Variants in PDE8A observed in about 807,000 individuals in gnomAD.
PDE8A encodes the protein phosphodiesterase 8A.
In PDE8A, 59 loss-of-function variants were observed where a neutral mutation model predicts 105.0. The ratio of observed to expected loss-of-function variants is 0.56; its 90% CI spans 0.46 to 0.70. The LOEUF is 0.70. Ranked by LOEUF, PDE8A falls within the 30% of genes least tolerant of loss-of-function variation. The pLI, the probability that PDE8A is intolerant of heterozygous loss-of-function variation, is 0.00. For synonymous variants in PDE8A, 355 were observed against 371.9 expected (o/e 0.95, Z 0.52); for missense variants, 1,014 against 1,045.9 (o/e 0.97, Z 0.42).
chr15:85,045,955 G>C (rs1469256088), intron 1 of PDE8A, among the ~76,000 whole-genome samples: 1 of 151,804 alleles, frequency 6.6e-6, no homozygotes, highest in Non-Finnish European at 1.5e-5. Flanking sequence ...ATTGACCCCA[G>C]GATAACTTTC....
rs147952655 is a variant in PDE8A, at chr15:85,120,493, A to G, written c.1735-304A>G. Reference sequence around the variant, plus strand: ...TATTAGTTTATGCTGGTCTAAGTCAATATCTCAGACTAAGGACTTTTTTGG... The same window carrying G: ...TATTAGTTTATGCTGGTCTAAGTCAGTATCTCAGACTAAGGACTTTTTTGG... On this transcript the variant is annotated intron_variant, in intron 17 of 21. Coordinates refer to ENST00000394553, the MANE Select transcript of PDE8A (RefSeq NM_002605.3). 435 of 219,540 alleles carry G rather than the reference A, an allele frequency of 2.0e-3. 3 individuals are homozygous for G. The highest frequency in any genetic ancestry group is 9.1e-3 in the African/African-American group (402 of 44,164). 13.6% of individuals were successfully genotyped at this position (219,540 alleles called of 1,614,324 possible).
chr15:85,105,684 G>C (rs143159737), intron 11 of PDE8A, among the ~76,000 whole-genome samples: 29 of 152,328 alleles, frequency 1.9e-4, no homozygotes, highest in African/African-American at 7.0e-4. Flanking sequence ...AGGAAGCCAA[G>C]AGCAGAGACA....
intron 1 of PDE8A, among the ~76,000 whole-genome samples, chr15:85,033,270 A>C (rs2080646325): frequency 2.0e-5 from 3 of 152,180 alleles, no homozygotes. Context: ...ATGAGCACAC[A>C]AGCTGATGGC....
At chr15:85,014,960 A>G (rs1459936114) in intron 1 of PDE8A, among the ~76,000 whole-genome samples, 3 of 152,162 alleles carry the variant, frequency 2.0e-5, no homozygotes, top group Non-Finnish European at 4.4e-5. Context: ...GCCTCTGGCA[A>G]CCACTAATCT....
At chr15:84,982,478 C>G in intron 1 of PDE8A, 130 bp downstream of exon 1, 1 of 498,748 alleles carries the variant, frequency 2.0e-6, no homozygotes, top group Non-Finnish European at 3.2e-6. Context: ...TTGGATGGTT[C>G]TGATTGACGC....
intron 20 of PDE8A, among the ~76,000 whole-genome samples, chr15:85,127,882 G>C (rs2082278843): frequency 6.6e-6 from 1 of 152,044 alleles, no homozygotes; most frequent in Non-Finnish European, 1.5e-5. Flanking sequence ...GATATGCCCT[G>C]TTTGGCTTCA....
chr15:85,099,093 G>T (rs2081811953), intron 9 of PDE8A, among the ~76,000 whole-genome samples: 1 of 152,226 alleles, frequency 6.6e-6, no homozygotes, highest in African/African-American at 2.4e-5. Flanking sequence ...GAGAAAGTAT[G>T]GCAGTGGCCG....
At chr15:85,000,811 A>C (rs943380795) in intron 1 of PDE8A, among the ~76,000 whole-genome samples, 20 of 152,214 alleles carry the variant, frequency 1.3e-4, no homozygotes, top group African/African-American at 4.8e-4. Flanking sequence ...GGTAGCTAAA[A>C]TAATCTGCCC....
rs560318390 is a variant in PDE8A, at chr15:85,042,941, C to T, written c.187-21429C>T. On this transcript the variant is annotated intron_variant, in intron 1 of 21. Transcript: ENST00000394553. Reference sequence around the variant, plus strand: ...GAACTGTGGGTGATTCTAGATAATTCGATTGTGTGGATTGTCATTCTCATT... The same window carrying T: ...GAACTGTGGGTGATTCTAGATAATTTGATTGTGTGGATTGTCATTCTCATT... 1.4e-4 allele frequency among the ~76,000 whole-genome samples: 21 copies of T among 152,292 alleles called. No individual in the cohort carries two copies. In the South Asian group the frequency reaches 4.1e-3, roughly 30 times the overall value.
chr15:85,064,046 C>T (rs1019919347), intron 1 of PDE8A: 1 of 230,914 alleles, frequency 4.3e-6, no homozygotes, highest in Admixed American at 5.1e-5. Flanking sequence ...ATATTGTCAT[C>T]TCATTTGGCC....
At chr15:85,095,989 C>A (rs1353228044) in intron 8 of PDE8A, among the ~76,000 whole-genome samples, 1 of 151,908 alleles carries the variant, frequency 6.6e-6, no homozygotes, top group East Asian at 1.9e-4. Context: ...GATTCTCCTG[C>A]CTCAGCCTCC....
intron 1 of PDE8A, among the ~76,000 whole-genome samples, chr15:85,018,430 G>C (rs547603377): frequency 6.6e-6 from 1 of 152,228 alleles, no homozygotes; most frequent in South Asian, 2.1e-4. Context: ...ATTATTAACA[G>C]TTGGTCCACG....
chr15:85,017,033 G>A (rs938407634), intron 1 of PDE8A, among the ~76,000 whole-genome samples: 2 of 150,590 alleles, frequency 1.3e-5, no homozygotes, highest in African/African-American at 2.4e-5. Context: ...AGGCCGAGGC[G>A]GGTGGATCAT....
At chr15:85,062,014 C>T (rs544743640) in intron 1 of PDE8A, among the ~76,000 whole-genome samples, 1 of 152,186 alleles carries the variant, frequency 6.6e-6, no homozygotes, top group Non-Finnish European at 1.5e-5. Flanking sequence ...TCTTGACTTT[C>T]TCCACATCTT....
At chr15:84,981,286 C>T (rs1304486377), upstream of PDE8A, among the ~76,000 whole-genome samples, 3 of 152,178 alleles carry the variant, frequency 2.0e-5, no homozygotes, top group African/African-American at 4.8e-5. Context: ...GAGGAGGTGG[C>T]GGGCGCCCCA....
At chr15:85,107,495 G>A (rs1477057624) in intron 11 of PDE8A, among the ~76,000 whole-genome samples, 1 of 152,202 alleles carries the variant, frequency 6.6e-6, no homozygotes, top group Non-Finnish European at 1.5e-5. Flanking sequence ...AATCCAGGGA[G>A]GATGACAAAT....
At chr15:85,107,130 A>G (rs2081958631) in intron 11 of PDE8A, among the ~76,000 whole-genome samples, 1 of 152,204 alleles carries the variant, frequency 6.6e-6, no homozygotes, top group Non-Finnish European at 1.5e-5. Flanking sequence ...CCCAAAAGTT[A>G]GGATACCTGA....
chr15:85,037,112 C>CTGGA (rs987774590), intron 1 of PDE8A, among the ~76,000 whole-genome samples: 27 of 150,608 alleles, frequency 1.8e-4, no homozygotes, highest in African/African-American at 6.6e-4. Flanking sequence ...GTCGCCCAGG[C>CTGGA]TGGAGTGCAA....
intron 6 of PDE8A, 34 bp from the exon 7 acceptor site, chr15:85,089,304 C>G: frequency 9.2e-7 from 1 of 1,087,354 alleles, no homozygotes; most frequent in Non-Finnish European, 1.4e-6. Flanking sequence ...GTAGTATTTA[C>G]ATTAATCATT....
Sources: allele counts gnomAD v4.1 joint callset (sites outside exome capture counted in the v4.1 genomes callset), GRCh38; gene constraint gnomAD v4.1.1; transcripts MANE v1.5; gene names NCBI Gene and HGNC (gene_info 2026-07-23, HGNC 2026-07-21).